MAGI2: variants seen among roughly 807,000 people sequenced by gnomAD.
MAGI2 encodes the protein membrane-associated guanylate kinase, WW and PDZ domain-containing protein 2.
Under a neutral mutation model 133.3 loss-of-function variants are expected in MAGI2, and 35 were observed. The ratio of observed to expected loss-of-function variants is 0.26; its 90% CI spans 0.20 to 0.35. MAGI2 has a LOEUF of 0.35. Among genes scored for constraint, MAGI2 ranks in the 10% least tolerant of loss-of-function variants. The pLI is 1.00. For synonymous variants in MAGI2, 729 were observed against 710.6 expected (o/e 1.03, Z -0.41); for missense variants, 1,636 against 1,863.4 (o/e 0.88, Z 2.25).
chr7:78,970,085 G>T (rs763010531), intron 2 of MAGI2, among the ~76,000 whole-genome samples: 1 of 151,848 alleles, frequency 6.6e-6, no homozygotes, highest in Non-Finnish European at 1.5e-5. Flanking sequence ...AATTCATTAT[G>T]GTCTTCCAAA....
chr7:79,080,642 T>C (rs1015845007), intron 1 of MAGI2, among the ~76,000 whole-genome samples: 18 of 152,078 alleles, frequency 1.2e-4, no homozygotes, highest in African/African-American at 4.3e-4. Flanking sequence ...AGCTCTTATA[T>C]TCTAATGGGT....
At chr7:78,493,920 G>A (rs975689090) in intron 5 of MAGI2, among the ~76,000 whole-genome samples, 1 of 152,038 alleles carries the variant, frequency 6.6e-6, no homozygotes, top group Non-Finnish European at 1.5e-5. Flanking sequence ...CCACTGGAAA[G>A]TTTTCTCCTT....
chr7:79,101,676 A>G (rs1167234285), intron 1 of MAGI2, among the ~76,000 whole-genome samples: 1 of 146,456 alleles, frequency 6.8e-6, no homozygotes. Flanking sequence ...GTGAGCCGAG[A>G]TCGCGCCACC....
At chr7:79,416,039 G>C (rs1846485656) in intron 1 of MAGI2, among the ~76,000 whole-genome samples, 1 of 152,122 alleles carries the variant, frequency 6.6e-6, no homozygotes, top group Non-Finnish European at 1.5e-5. Context: ...TAGAAAACTA[G>C]GAGGAAAACT....
chr7:79,365,821 C>T (rs919594367), intron 1 of MAGI2, among the ~76,000 whole-genome samples: 2 of 129,926 alleles, frequency 1.5e-5, no homozygotes, highest in African/African-American at 5.7e-5. Flanking sequence ...GATCGGGCCG[C>T]TGCACTCCAG....
At chr7:79,011,924 C>CCTTCCTTACTTCCTTT in intron 1 of MAGI2, among the ~76,000 whole-genome samples, 1 of 121,284 alleles carries the variant, frequency 8.2e-6, no homozygotes, top group African/African-American at 3.3e-5. Flanking sequence ...TTCCTTCCTT[C>CCTTCCTTACTTCCTTT]CTTTCTTTCT....
chr7:78,077,542 T>G (rs1317220053), intron 21 of MAGI2, among the ~76,000 whole-genome samples: 6 of 137,174 alleles, frequency 4.4e-5, no homozygotes, highest in African/African-American at 1.7e-4. Flanking sequence ...GAAGGCTTGC[T>G]AGCTCTCTCT....
At chr7:78,199,422 G>A (rs3779274) in intron 11 of MAGI2, among the ~76,000 whole-genome samples, 63,087 of 152,068 alleles carry the variant, frequency 0.41, 13,244 homozygotes, top group South Asian at 0.56. Context: ...CATGTTTTAA[G>A]CACCTTACAT....
chr7:78,413,263 C>A (rs575586401), intron 6 of MAGI2, among the ~76,000 whole-genome samples: 2 of 152,236 alleles, frequency 1.3e-5, no homozygotes, highest in South Asian at 4.1e-4. Context: ...ACAAATGACA[C>A]TGGCCTTATA....
chr7:79,035,964 T>A (rs1811091355), intron 1 of MAGI2, among the ~76,000 whole-genome samples: 1 of 152,316 alleles, frequency 6.6e-6, no homozygotes, highest in African/African-American at 2.4e-5. Context: ...ATTGTTTGAA[T>A]AGAAATATGT....
intron 20 of MAGI2, among the ~76,000 whole-genome samples, chr7:78,105,812 G>A (rs11765506): frequency 6.6e-6 from 1 of 152,008 alleles, no homozygotes; most frequent in Admixed American, 6.6e-5. Flanking sequence ...TCACATCAGA[G>A]TAATTGGGGT....
intron 1 of MAGI2, among the ~76,000 whole-genome samples, chr7:79,033,958 TAA>T (rs35340066): frequency 3.3e-5 from 5 of 151,868 alleles, no homozygotes; most frequent in African/African-American, 9.7e-5. Flanking sequence ...ATTTTGTATT[TAA>T]AAAAAATGTT....
chr7:78,285,396 AT>A (rs1211158938), intron 9 of MAGI2, among the ~76,000 whole-genome samples: 2 of 151,736 alleles, frequency 1.3e-5, no homozygotes, highest in Non-Finnish European at 1.5e-5. Flanking sequence ...AATGCTTCCT[AT>A]TTGTGAGTAA....
chr7:79,125,358 T>C (rs1266427477), intron 1 of MAGI2: 3 of 475,900 alleles, frequency 6.3e-6, no homozygotes, highest in African/African-American at 3.9e-5. Context: ...GTCAAAGTGG[T>C]TTCAGTGGGA....
chr7:78,804,780 C>G, intron 2 of MAGI2, among the ~76,000 whole-genome samples: 1 of 77,004 alleles, frequency 1.3e-5, no homozygotes. Flanking sequence ...AAACCTTTGG[C>G]CCTTTGGCTG....
intron 2 of MAGI2, among the ~76,000 whole-genome samples, chr7:78,867,799 G>C (rs1300844620): frequency 2.0e-5 from 3 of 152,116 alleles, no homozygotes; most frequent in African/African-American, 7.2e-5. Context: ...AAGAGTAAGA[G>C]ACCGTAGCCC....
intron 1 of MAGI2, among the ~76,000 whole-genome samples, chr7:79,306,139 A>G (rs949828268): frequency 1.3e-5 from 2 of 149,910 alleles, no homozygotes. Flanking sequence ...CTGAAGTAGC[A>G]GGGACTACAG....
intron 1 of MAGI2, among the ~76,000 whole-genome samples, chr7:79,373,123 A>C (rs1843158572): frequency 6.6e-6 from 1 of 152,072 alleles, no homozygotes; most frequent in South Asian, 2.1e-4. Context: ...AATCTTAAAA[A>C]ATCCTATCTG....
Position 78,796,984 on chromosome 7 carries a change from G to A in MAGI2, c.419-169745C>T, listed in dbSNP as rs1787672260. ...TATTATCACAGGCTAAAAAGGGAAG[G>A]TGTGAGTGAAGAATGAAGAGAAGTT... On this transcript the variant is annotated intron_variant, in intron 2 of 21. Coordinates refer to ENST00000354212, the MANE Select transcript of MAGI2 (RefSeq NM_012301.4). Among the ~76,000 whole-genome samples the A allele has an allele frequency of 3.9e-5, 6 of 152,218 alleles. No homozygotes were observed. In the South Asian group the frequency reaches 1.0e-3, roughly 26 times the overall value.
Sources: allele counts gnomAD v4.1 joint callset (sites outside exome capture counted in the v4.1 genomes callset), GRCh38; gene constraint gnomAD v4.1.1; transcripts MANE v1.5; gene names NCBI Gene and HGNC (gene_info 2026-07-23, HGNC 2026-07-21).